Variants in PDE4D observed in about 807,000 individuals in gnomAD.
PDE4D encodes 3',5'-cyclic-AMP phosphodiesterase 4D.
PDE4D carries 24 observed loss-of-function variants against 87.4 expected under a neutral mutation model. That is an observed-to-expected ratio of 0.27 (90% CI 0.20 to 0.39). The LOEUF (loss-of-function observed/expected upper bound fraction) is 0.39, where lower values mean the gene tolerates loss of function less well. PDE4D is among the 10% of genes least tolerant of loss of function. PDE4D has a pLI of 1.00. For missense variants in PDE4D, 714 were observed against 1,041.0 expected (o/e 0.69, Z 4.32); for synonymous variants, 384 against 383.2 (o/e 1.00, Z -0.02).
chr5:60,221,373 GA>G (rs1228810807), intron 1 of PDE4D, among the ~76,000 whole-genome samples: 1 of 151,936 alleles, frequency 6.6e-6, no homozygotes, highest in African/African-American at 2.4e-5. Flanking sequence ...TTACTTATTT[GA>G]AAAATATATG....
intron 1 of PDE4D, among the ~76,000 whole-genome samples, chr5:60,364,060 A>G (rs1485731455): frequency 6.6e-6 from 1 of 152,202 alleles, no homozygotes; most frequent in Non-Finnish European, 1.5e-5. Context: ...ATCACTCCAG[A>G]AGCCTGATAA....
chr5:59,287,788 G>A (rs192656072), intron 1 of PDE4D, among the ~76,000 whole-genome samples: 168 of 152,166 alleles, frequency 1.1e-3, no homozygotes, highest in African/African-American at 3.6e-3. Context: ...TTGGGAGAAA[G>A]TAAGAGAAGA....
chr5:60,043,969 G>A (rs552698785), intron 2 of PDE4D, among the ~76,000 whole-genome samples: 2 of 152,106 alleles, frequency 1.3e-5, no homozygotes, highest in African/African-American at 4.8e-5. Context: ...TTGCCAATGA[G>A]ATTTCTGATG....
intron 1 of PDE4D, among the ~76,000 whole-genome samples, chr5:59,570,276 T>G (rs1366885460): frequency 6.6e-6 from 1 of 152,214 alleles, no homozygotes; most frequent in Non-Finnish European, 1.5e-5. Context: ...ATCTCAGTAT[T>G]TAATCTCCTG....
chr5:59,834,637 C>T (rs1741728493), intron 1 of PDE4D, among the ~76,000 whole-genome samples: 2 of 152,042 alleles, frequency 1.3e-5, no homozygotes, highest in South Asian at 4.1e-4. Flanking sequence ...ACGCTTCATG[C>T]TCTTTGATCG....
chr5:60,132,764 G>A (rs1489301233), intron 2 of PDE4D, among the ~76,000 whole-genome samples: 1 of 152,120 alleles, frequency 6.6e-6, no homozygotes, highest in African/African-American at 2.4e-5. Flanking sequence ...GGCTGAGGCA[G>A]GAGAATCGCT....
At chr5:60,305,831 A>G (rs1022948856) in intron 1 of PDE4D, among the ~76,000 whole-genome samples, 1 of 152,088 alleles carries the variant, frequency 6.6e-6, no homozygotes, top group Non-Finnish European at 1.5e-5. Context: ...ATACACACAC[A>G]TACACACACA....
intron 1 of PDE4D, among the ~76,000 whole-genome samples, chr5:60,470,729 G>A (rs1747753558): frequency 6.6e-6 from 1 of 152,030 alleles, no homozygotes; most frequent in Non-Finnish European, 1.5e-5. Flanking sequence ...CAGCACATCT[G>A]TTTAATTATG....
chr5:60,113,021 A>C (rs1777835280), intron 2 of PDE4D, among the ~76,000 whole-genome samples: 1 of 152,102 alleles, frequency 6.6e-6, no homozygotes, highest in Non-Finnish European at 1.5e-5. Flanking sequence ...TCATTTGAAG[A>C]GGATGTTCCA....
chr5:59,542,069 G>A (rs575273977), intron 1 of PDE4D, among the ~76,000 whole-genome samples: 1 of 151,952 alleles, frequency 6.6e-6, no homozygotes, highest in Admixed American at 6.6e-5. Flanking sequence ...TCTATGCCGG[G>A]CCCTCTTATG....
intron 1 of PDE4D, among the ~76,000 whole-genome samples, chr5:59,566,922 A>AAT (rs1462685452): frequency 2.6e-5 from 4 of 152,152 alleles, no homozygotes; most frequent in South Asian, 4.2e-4. Context: ...TTCCTTCTAA[A>AAT]ATATTAGACT....
chr5:59,096,993 T>C (rs566631274), intron 5 of PDE4D, among the ~76,000 whole-genome samples: 2 of 152,308 alleles, frequency 1.3e-5, no homozygotes, highest in East Asian at 3.9e-4. Flanking sequence ...TTAAATTCAC[T>C]AGGGAGTATT....
At chr5:59,828,203 A>AG (rs1472012077) in intron 1 of PDE4D, among the ~76,000 whole-genome samples, 1 of 152,062 alleles carries the variant, frequency 6.6e-6, no homozygotes, top group Non-Finnish European at 1.5e-5. Flanking sequence ...GAAAAGAGAG[A>AG]GAAAAAATGA....
intron 1 of PDE4D, among the ~76,000 whole-genome samples, chr5:59,847,798 G>A (rs926034351): frequency 3.3e-5 from 5 of 152,184 alleles, no homozygotes; most frequent in East Asian, 1.9e-4. Flanking sequence ...ATTGGCCTGC[G>A]CCAAGTTATA....
chr5:60,127,702 T>A, intron 2 of PDE4D: 1 of 590,746 alleles, frequency 1.7e-6, no homozygotes, highest in Non-Finnish European at 3.0e-6. Context: ...AAAACAGAAT[T>A]TCAGTTTTGG....
At chr5:59,071,541 G>A (rs1387902925) in intron 5 of PDE4D, among the ~76,000 whole-genome samples, 2 of 96,374 alleles carry the variant, frequency 2.1e-5, no homozygotes, top group Non-Finnish European at 3.6e-5. Flanking sequence ...TATTCTCTGA[G>A]TTGTTTTTTT....
chr5:60,357,240 C>T (rs543818639), intron 1 of PDE4D, among the ~76,000 whole-genome samples: 1 of 152,110 alleles, frequency 6.6e-6, no homozygotes, highest in South Asian at 2.1e-4. Context: ...CTAACTTTAT[C>T]ATGTTGCTGC....
chr5:60,106,091 G>T (rs1409533782), intron 2 of PDE4D, among the ~76,000 whole-genome samples: 1 of 152,040 alleles, frequency 6.6e-6, no homozygotes, highest in African/African-American at 2.4e-5. Flanking sequence ...AGACCCATCA[G>T]TGTGCTGTAT....
intron 1 of PDE4D, among the ~76,000 whole-genome samples, chr5:59,389,051 T>G (rs1787701535): frequency 6.6e-6 from 1 of 152,006 alleles, no homozygotes; most frequent in South Asian, 2.1e-4. Flanking sequence ...GGTTCATGAG[T>G]CAACCGCAGG....
Sources: allele counts gnomAD v4.1 joint callset (sites outside exome capture counted in the v4.1 genomes callset), GRCh38; gene constraint gnomAD v4.1.1; transcripts MANE v1.5; gene names NCBI Gene and HGNC (gene_info 2026-07-23, HGNC 2026-07-21).